USP14: variants seen among roughly 807,000 people sequenced by gnomAD.
The protein encoded by USP14 is ubiquitin specific peptidase 14, also known as ubiquitin carboxyl-terminal hydrolase 14.
USP14 carries 38 observed loss-of-function variants against 76.5 expected under a neutral mutation model. The ratio of observed to expected loss-of-function variants is 0.50; its 90% CI spans 0.38 to 0.65. The LOEUF is 0.65. USP14 is among the 30% of genes least tolerant of loss of function. The pLI is 0.00. For missense variants in USP14, 467 were observed against 586.5 expected, an observed-to-expected ratio of 0.80 and a Z score of 2.10; for synonymous variants, 192 against 191.7, an observed-to-expected ratio of 1.00 and a Z score of -0.01.
intron 1 of USP14, among the ~76,000 whole-genome samples, chr18:161,102 A>T (rs1207728484): frequency 6.6e-6 from 1 of 151,842 alleles, no homozygotes; most frequent in African/African-American, 2.4e-5. Flanking sequence ...TCATTTTTGT[A>T]TTTTTAGTAG....
At chr18:163,019 G>A (rs982923097) in intron 1 of USP14, 3 of 191,750 alleles carry the variant, frequency 1.6e-5, no homozygotes, top group Admixed American at 6.0e-5. Flanking sequence ...CTCATGATCC[G>A]CCCGCCTCGA....
At position 213,213 on chromosome 18, in the gene USP14, C is replaced by CAATT. The variant is rs1457125023; in HGVS notation, c.*1931_*1934dup. 2.0e-5 allele frequency: 3 copies of CAATT among 152,136 alleles called. No homozygotes were observed. The highest frequency in any genetic ancestry group is 2.9e-5 in the Non-Finnish European group (2 of 68,024). 9.4% of individuals were successfully genotyped at this position (152,136 alleles called of 1,614,324 possible). On this transcript the variant is annotated 3_prime_UTR_variant, in exon 16 of 16. Transcript: ENST00000261601. ...AATTTTATTGAGGACATGAATTTAA[C>CAATT]AATTAGAATTTAGATTTTCTGACTG...
chr18:160,816 C>T (rs539677429), intron 1 of USP14, among the ~76,000 whole-genome samples: 1 of 152,330 alleles, frequency 6.6e-6, no homozygotes, highest in African/African-American at 2.4e-5. Context: ...CCTGATTTCT[C>T]TGCTGCTGCA....
chr18:174,192 C>T (rs900602980), intron 3 of USP14, among the ~76,000 whole-genome samples: 1 of 151,904 alleles, frequency 6.6e-6, no homozygotes, highest in Non-Finnish European at 1.5e-5. Context: ...TAAACCTTTC[C>T]TTTATTTAAA....
At chr18:183,401 A>G (rs1567830180) in intron 5 of USP14, among the ~76,000 whole-genome samples, 1 of 151,478 alleles carries the variant, frequency 6.6e-6, no homozygotes, top group Non-Finnish European at 1.5e-5. Flanking sequence ...CTCAGTGAGC[A>G]CTTTTAGTCT....
At chr18:181,249 CTA>C (rs1405495203) in intron 5 of USP14, among the ~76,000 whole-genome samples, 1 of 151,904 alleles carries the variant, frequency 6.6e-6, no homozygotes, top group Admixed American at 6.6e-5. Context: ...TATAGTAACT[CTA>C]TGTTTAATGT....
At chr18:195,282 C>T (rs940821307) in intron 6 of USP14, among the ~76,000 whole-genome samples, 1 of 151,256 alleles carries the variant, frequency 6.6e-6, no homozygotes, top group African/African-American at 2.4e-5. Flanking sequence ...GTAGTGATGC[C>T]CAAATTTCAG....
intron 2 of USP14, among the ~76,000 whole-genome samples, chr18:164,337 A>G (rs1301582882): frequency 6.6e-6 from 1 of 152,028 alleles, no homozygotes; most frequent in Non-Finnish European, 1.5e-5. Context: ...TTGTACATGC[A>G]TTTGTATGTT....
chr18:205,262 C>A (rs1338283794), intron 13 of USP14, among the ~76,000 whole-genome samples: 3 of 152,070 alleles, frequency 2.0e-5, no homozygotes, highest in Admixed American at 2.0e-4. Context: ...ATTTTCCTTC[C>A]CCCTGTAATC....
intron 5 of USP14, among the ~76,000 whole-genome samples, chr18:188,920 C>T (rs1419579904): frequency 6.6e-6 from 1 of 152,176 alleles, no homozygotes; most frequent in Non-Finnish European, 1.5e-5. Flanking sequence ...CTCAGGTGAT[C>T]CCCCGGCTTT....
chr18:171,466 G>A (rs1206141865), intron 3 of USP14, among the ~76,000 whole-genome samples: 1 of 152,130 alleles, frequency 6.6e-6, no homozygotes, highest in African/African-American at 2.4e-5. Context: ...AAGCCCAGAT[G>A]CCAGTACGTC....
chr18:162,522 G>A (rs1195214917), intron 1 of USP14, among the ~76,000 whole-genome samples: 1 of 152,074 alleles, frequency 6.6e-6, no homozygotes, highest in Non-Finnish European at 1.5e-5. Flanking sequence ...TTATGACTCA[G>A]AATCTGTATT....
chr18:163,376 T>C lies in USP14; in HGVS notation c.85T>C (p.Phe29Leu), dbSNP rs888294094. 1.2e-6 allele frequency: 2 copies of C among 1,614,058 alleles called. No homozygotes were observed. Residue 29 changes from phenylalanine (F) to leucine (L), a missense_variant, in exon 2 of 16, where the codon TTC becomes CTC. Phe to Leu is a conservative substitution (Grantham distance 22, BLOSUM62 0). Coordinates refer to ENST00000261601, the MANE Select transcript of USP14 (RefSeq NM_005151.4). The part of the protein sequence containing the change: ...ELNTDEPPMV[F>L]KAQLFALTGV... ...GAATACAGATGAACCTCCAATGGTA[T>C]TCAAGGCTCAGCTGTTTGCGTTGAC...
intron 5 of USP14, among the ~76,000 whole-genome samples, chr18:185,542 G>C (rs1364635172): frequency 6.6e-6 from 1 of 152,114 alleles, no homozygotes; most frequent in Non-Finnish European, 1.5e-5. Context: ...GAGACACTCG[G>C]AGAGAACAGA....
At chr18:200,351 G>C (rs1910352528) in intron 10 of USP14, among the ~76,000 whole-genome samples, 1 of 152,168 alleles carries the variant, frequency 6.6e-6, no homozygotes, top group Non-Finnish European at 1.5e-5. Flanking sequence ...TCTAAACCAG[G>C]ACACTTTGGT....
chr18:169,412 C>T (rs540359444), intron 3 of USP14, among the ~76,000 whole-genome samples: 7 of 147,788 alleles, frequency 4.7e-5, no homozygotes, highest in Middle Eastern at 3.5e-3. Context: ...TTCTAGTTCA[C>T]TACAACTTAA....
chr18:199,359 T>C (rs748315721), intron 10 of USP14, 43 bp downstream of exon 10: 2 of 1,398,518 alleles, frequency 1.4e-6, no homozygotes, highest in South Asian at 2.4e-5. Flanking sequence ...GTGAATTCCA[T>C]GTTTGCGAGT....
Position 164,834 on chromosome 18 carries a change from A to G in USP14, c.162+1381A>G, listed in dbSNP as rs74257617. 2.8e-4 allele frequency among the ~76,000 whole-genome samples: 42 copies of G among 152,178 alleles called. No individual in the cohort carries two copies. In the East Asian group the frequency reaches 7.3e-3, roughly 27 times the overall value. Reference sequence around the variant, plus strand: ...AAATTTTTGTTTAAAAAGAGAAGAAACCTAATTTTTGTCTTTACTTCCTTT... The same window carrying G: ...AAATTTTTGTTTAAAAAGAGAAGAAGCCTAATTTTTGTCTTTACTTCCTTT... On this transcript the variant is annotated intron_variant, in intron 2 of 15. Transcript: ENST00000261601.
chr18:197,577 C>T (rs747006243), intron 7 of USP14, 39 bp from the exon 8 acceptor site: 7 of 1,518,096 alleles, frequency 4.6e-6, no homozygotes, highest in South Asian at 4.6e-5. Flanking sequence ...AGATCATTCA[C>T]TGCCAGGATT....
Sources: allele counts gnomAD v4.1 joint callset (sites outside exome capture counted in the v4.1 genomes callset), GRCh38; gene constraint gnomAD v4.1.1; transcripts MANE v1.5; gene names NCBI Gene and HGNC (gene_info 2026-07-23, HGNC 2026-07-21).